ARHGAP1: variants seen among roughly 807,000 people sequenced by gnomAD.
The protein encoded by ARHGAP1 is rho GTPase-activating protein 1.
In ARHGAP1, 23 loss-of-function variants were observed where a neutral mutation model predicts 52.2. That is an observed-to-expected ratio of 0.44 (90% confidence interval 0.32 to 0.62). The LOEUF is 0.62. Ranked by LOEUF, ARHGAP1 falls within the 20% of genes least tolerant of loss-of-function variation. ARHGAP1 has a pLI of 0.05. For synonymous variants in ARHGAP1, 210 were observed against 228.4 expected, an observed-to-expected ratio of 0.92 and a Z score of 0.73; for missense variants, 480 against 560.9, an observed-to-expected ratio of 0.86 and a Z score of 1.46.
At chr11:46,682,406 G>A (rs1592385200) in intron 4 of ARHGAP1, among the ~76,000 whole-genome samples, 2 of 152,336 alleles carry the variant, frequency 1.3e-5, no homozygotes, top group Admixed American at 6.5e-5. Flanking sequence ...GCTCTCAGCC[G>A]GGCGCAGTGG....
intron 1 of ARHGAP1, among the ~76,000 whole-genome samples, chr11:46,698,211 C>T (rs1487306302): frequency 6.6e-6 from 1 of 152,206 alleles, no homozygotes; most frequent in African/African-American, 2.4e-5. Flanking sequence ...CTACTTGGGC[C>T]TAAATTTCCT....
chr11:46,696,130 C>T lies in ARHGAP1; in HGVS notation c.-23G>A, dbSNP rs1021750727. On this transcript the variant is annotated 5_prime_UTR_variant, in exon 2 of 13. Coordinates refer to ENST00000311956, the MANE Select transcript of ARHGAP1 (RefSeq NM_004308.5). This position sits in a 1 kb window ranked among gnomAD's most constrained non-coding sequence, Gnocchi z 4.8. ...CATGGCCAAGCCTGTCCCAGACAGCCTTGCCCTGCAGAACCTTAAGAGAAA... is the reference window on the plus strand; with the variant it reads ...CATGGCCAAGCCTGTCCCAGACAGCTTTGCCCTGCAGAACCTTAAGAGAAA... The T allele has an allele frequency of 1.2e-5, 19 of 1,574,594 alleles. No homozygotes were observed. Among genetic ancestry groups the T allele is most frequent in the Non-Finnish European group, 1.6e-5 (19 of 1,160,636 alleles).
intron 3 of ARHGAP1, among the ~76,000 whole-genome samples, chr11:46,690,216 A>C (rs554003889): frequency 2.0e-5 from 3 of 151,896 alleles, no homozygotes; most frequent in Middle Eastern, 3.4e-3. Flanking sequence ...CTTTACTAAA[A>C]ACACACACAC....
intron 3 of ARHGAP1, among the ~76,000 whole-genome samples, chr11:46,694,803 G>A (rs572954418): frequency 1.2e-4 from 18 of 152,302 alleles, no homozygotes; most frequent in African/African-American, 3.4e-4. Flanking sequence ...TTTGACGTTC[G>A]GGGCAATCCT....
In ARHGAP1 at chr11:46,680,317, G is replaced by A. The variant is rs762115350; in HGVS notation, c.821-35C>T. 2.2e-5 allele frequency: 35 copies of A among 1,608,774 alleles called. No individual in the cohort carries two copies. Among genetic ancestry groups the A allele is most frequent in the Middle Eastern group, 1.7e-4 (1 of 6,042 alleles). On this transcript the variant is annotated intron_variant, in intron 9 of 12. Coordinates refer to ENST00000311956, the MANE Select transcript of ARHGAP1 (RefSeq NM_004308.5). The surrounding 1 kb of genome is among the most constrained non-coding windows in gnomAD (Gnocchi z 5.9). The stretch of plus-strand genomic sequence containing the variant: ...AGTAGGGCCTGGTGAGCCTCCGAGC[G>A]CTGGGCACCGGCTGGATTCCCTGCC...
chr11:46,693,065 G>A (rs2064626751), intron 3 of ARHGAP1, among the ~76,000 whole-genome samples: 1 of 152,100 alleles, frequency 6.6e-6, no homozygotes, highest in Non-Finnish European at 1.5e-5. Flanking sequence ...TGTTAGCCAG[G>A]ATGGTCTCGA....
chr11:46,700,203 A>G (rs2064691258), intron 1 of ARHGAP1, among the ~76,000 whole-genome samples: 2 of 152,234 alleles, frequency 1.3e-5, no homozygotes, highest in Admixed American at 1.3e-4. Flanking sequence ...AATAAGTGGC[A>G]AGGAGGAACA....
chr11:46,685,107 G>C (rs1474944386), intron 4 of ARHGAP1, among the ~76,000 whole-genome samples: 1 of 125,736 alleles, frequency 8.0e-6, no homozygotes, highest in African/African-American at 3.0e-5. Context: ...AAAAAAAAAA[G>C]ATACCAAACT....
At position 46,680,149 on chromosome 11, in the gene ARHGAP1, A is replaced by T. The variant is rs1032220196; in HGVS notation, c.898+56T>A. The stretch of plus-strand genomic sequence containing the variant: ...TCATTTACAGGGCAGCAGAGGGCAG[A>T]GAAGCCCCCTACCAGTAACACACAT... On this transcript the variant is annotated intron_variant, in intron 10 of 12. Transcript: ENST00000311956. This position sits in a 1 kb window ranked among gnomAD's most constrained non-coding sequence, Gnocchi z 5.9. The T allele has an allele frequency of 1.3e-6, 2 of 1,544,548 alleles. No homozygotes were observed. Among genetic ancestry groups the T allele is most frequent in the Non-Finnish European group, 1.8e-6 (2 of 1,117,216 alleles).
chr11:46,699,939 G>C lies in ARHGAP1; in HGVS notation c.-50+612C>G, dbSNP rs1156565226. ...ATAATCCCAGCACTTTGGGAGGCGG[G>C]GGCGGGAGGATCACGAGGTCAGGAG... On this transcript the variant is annotated intron_variant, in intron 1 of 12. Transcript: ENST00000311956. 2.6e-5 allele frequency among the ~76,000 whole-genome samples: 4 copies of C among 151,526 alleles called. No homozygotes were observed. In the East Asian group the frequency reaches 7.8e-4, roughly 30 times the overall value.
chr11:46,698,332 T>C (rs568220201), intron 1 of ARHGAP1, among the ~76,000 whole-genome samples: 77 of 152,108 alleles, frequency 5.1e-4, no homozygotes, highest in African/African-American at 1.8e-3. Flanking sequence ...CCGGGCACGG[T>C]GGCTCATGCC....
In ARHGAP1 at chr11:46,682,188, A is replaced by G. The variant is rs777246008; in HGVS notation, c.318-6T>C. On this transcript the variant is annotated splice_polypyrimidine_tract_variant and splice_region_variant and intron_variant, in intron 4 of 12. Transcript: ENST00000311956. ...CCAGGGTGTGCTTCAGGTACCTTCC[A>G]GGGAAAAGCCCTGCTCAGGCCTGCC... 4.3e-6 allele frequency: 7 copies of G among 1,613,906 alleles called. No homozygotes were observed. In the Admixed American group the frequency reaches 6.7e-5, roughly 15 times the overall value.
intron 1 of ARHGAP1, among the ~76,000 whole-genome samples, chr11:46,700,254 G>C (rs1457705965): frequency 6.6e-6 from 1 of 152,260 alleles, no homozygotes; most frequent in African/African-American, 2.4e-5. Flanking sequence ...TGCCAGATCA[G>C]ATCTGGGAGA....
chr11:46,700,270 C>T (rs2134503032), intron 1 of ARHGAP1, among the ~76,000 whole-genome samples: 1 of 152,356 alleles, frequency 6.6e-6, no homozygotes, highest in South Asian at 2.1e-4. Context: ...GGAGATTTCC[C>T]CCTCCCGCCG....
At chr11:46,684,215 C>G (rs2064551401) in intron 4 of ARHGAP1, among the ~76,000 whole-genome samples, 1 of 152,230 alleles carries the variant, frequency 6.6e-6, no homozygotes, top group African/African-American at 2.4e-5. Context: ...ACACTGAGCA[C>G]TGCAGTTTAC....
intron 4 of ARHGAP1, 47 bp downstream of exon 4, chr11:46,688,126 A>T (rs376614562): frequency 6.4e-7 from 1 of 1,572,488 alleles, no homozygotes; most frequent in South Asian, 1.1e-5. Context: ...TTAGGCTACA[A>T]TGGGGATCTG....
chr11:46,699,981 C>A (rs2064688701), intron 1 of ARHGAP1, among the ~76,000 whole-genome samples: 1 of 151,834 alleles, frequency 6.6e-6, no homozygotes, highest in Non-Finnish European at 1.5e-5. Context: ...ACCAGCCTGG[C>A]CAACATGGTG....
In ARHGAP1 at chr11:46,695,652, G is replaced by A; in HGVS notation, c.229+8C>T. On this transcript the variant is annotated splice_region_variant and intron_variant, in intron 3 of 12. Coordinates refer to ENST00000311956, the MANE Select transcript of ARHGAP1 (RefSeq NM_004308.5). ...GAGGGTTAGGAAAATAGTGTTGGGTGTGCTTACCTGCCACCTCCACGATCT... is the reference window on the plus strand; with the variant it reads ...GAGGGTTAGGAAAATAGTGTTGGGTATGCTTACCTGCCACCTCCACGATCT... 1.9e-6 allele frequency: 3 copies of A among 1,551,434 alleles called. No homozygotes were observed. Among genetic ancestry groups the A allele is most frequent in the Non-Finnish European group, 8.7e-7 (1 of 1,146,730 alleles).
chr11:46,691,227 G>A (rs903468427), intron 3 of ARHGAP1, among the ~76,000 whole-genome samples: 2 of 152,138 alleles, frequency 1.3e-5, no homozygotes, highest in Admixed American at 6.5e-5. Context: ...TTGGTAGCCT[G>A]CACAAAATCG....
Sources: gnomAD v4.1 joint callset for allele counts (sites outside exome capture counted in the v4.1 genomes callset) on GRCh38, gnomAD v4.1.1 for gene constraint, Gnocchi (gnomAD v3.1) non-coding constraint, MANE v1.5 for transcripts, NCBI Gene and HGNC (gene_info 2026-07-23, HGNC 2026-07-21) for gene names.